CDH4: variants seen among roughly 807,000 people sequenced by gnomAD.
CDH4 encodes the protein cadherin 4, also known as cadherin-4.
CDH4 carries 33 observed loss-of-function variants against 86.0 expected under a neutral mutation model. The ratio of observed to expected loss-of-function variants is 0.38; its 90% CI spans 0.29 to 0.51. The LOEUF (loss-of-function observed/expected upper bound fraction) is 0.51, where lower values mean the gene tolerates loss of function less well. Ranked by LOEUF, CDH4 falls within the 20% of genes least tolerant of loss-of-function variation. CDH4 has a pLI of 0.86. For missense variants in CDH4, 1,114 were observed against 1,307.4 expected (o/e 0.85, Z 2.28); for synonymous variants, 555 against 549.4 (o/e 1.01, Z -0.14).
rs1276774347 is a variant in CDH4, at chr20:61,392,246, G to A, written c.169+137309G>A. 6.6e-6 allele frequency among the ~76,000 whole-genome samples: 1 copy of A among 151,676 alleles called. No individual in the cohort carries two copies. The highest frequency in any genetic ancestry group is 2.0e-4 in the East Asian group (1 of 5,090). On this transcript the variant is annotated intron_variant, in intron 2 of 15. Coordinates refer to ENST00000614565, the MANE Select transcript of CDH4 (RefSeq NM_001794.5). The surrounding 1 kb of genome is among the most constrained non-coding windows in gnomAD (Gnocchi z 5.7). ...CGGGACCCGGACATGCTGCCTCTGG[G>A]CTGGGGAGGGACAGGAACCCGAGGC...
chr20:61,602,797 C>T (rs957637445), intron 2 of CDH4, among the ~76,000 whole-genome samples: 7 of 150,874 alleles, frequency 4.6e-5, no homozygotes, highest in African/African-American at 1.7e-4. Flanking sequence ...CGGAATTGTG[C>T]CTGGCCTGGT....
At chr20:61,479,340 A>C (rs1412751676) in intron 2 of CDH4, among the ~76,000 whole-genome samples, 1 of 151,804 alleles carries the variant, frequency 6.6e-6, no homozygotes, top group African/African-American at 2.4e-5. Flanking sequence ...TCCTAATGCT[A>C]TCCCTCCCCC....
In CDH4 at chr20:61,676,340, G is replaced by A. The variant is rs1459739146; in HGVS notation, c.170-67223G>A. Among the ~76,000 whole-genome samples the A allele has an allele frequency of 6.6e-6, 1 of 152,200 alleles. No individual in the cohort carries two copies. Among genetic ancestry groups the A allele is most frequent in the Non-Finnish European group, 1.5e-5 (1 of 68,040 alleles). On this transcript the variant is annotated intron_variant, in intron 2 of 15. Coordinates refer to ENST00000614565, the MANE Select transcript of CDH4 (RefSeq NM_001794.5). This position sits in a 1 kb window ranked among gnomAD's most constrained non-coding sequence, Gnocchi z 4.5. ...CGATTGAATACTGCGGCCCCCAGAG[G>A]AGGTGGGATTGCATTAGCACCTTCT...
intron 12 of CDH4, among the ~76,000 whole-genome samples, chr20:61,928,753 A>G (rs2055073737): frequency 6.6e-6 from 1 of 152,234 alleles, no homozygotes; most frequent in Non-Finnish European, 1.5e-5. Flanking sequence ...TCCTTAGAAT[A>G]CTTCCCTGGA....
chr20:61,381,290 G>A (rs2084899577), intron 2 of CDH4, among the ~76,000 whole-genome samples: 1 of 152,150 alleles, frequency 6.6e-6, no homozygotes, highest in Non-Finnish European at 1.5e-5. Context: ...ATATCACCAG[G>A]GCCCAATCAG....
At chr20:61,448,458 G>A (rs1401476972) in intron 2 of CDH4, among the ~76,000 whole-genome samples, 1 of 152,140 alleles carries the variant, frequency 6.6e-6, no homozygotes, top group African/African-American at 2.4e-5. Flanking sequence ...CATACATCAC[G>A]GCACAGCCTC....
In CDH4 at chr20:61,393,396, C is replaced by T. The variant is rs1452554480; in HGVS notation, c.169+138459C>T. ...TAGCTTGTGTATGGATCAACAACCA[C>T]CAGCCCCTCTGATGTCGAGGACCCC... On this transcript the variant is annotated intron_variant, in intron 2 of 15. Transcript: ENST00000614565. The surrounding 1 kb of genome is among the most constrained non-coding windows in gnomAD (Gnocchi z 4.3). Among the ~76,000 whole-genome samples the T allele has an allele frequency of 1.3e-5, 2 of 152,110 alleles. No homozygotes were observed. The highest frequency in any genetic ancestry group is 1.3e-4 in the Admixed American group (2 of 15,276).
chr20:61,404,716 CTT>C (rs771836471), intron 2 of CDH4, among the ~76,000 whole-genome samples: 12 of 143,170 alleles, frequency 8.4e-5, no homozygotes, highest in Non-Finnish European at 1.4e-4. Flanking sequence ...AATATTTAGG[CTT>C]TTTTTTTTTT....
At chr20:61,899,889 G>T (rs1189540194) in intron 8 of CDH4, among the ~76,000 whole-genome samples, 1 of 152,212 alleles carries the variant, frequency 6.6e-6, no homozygotes, top group Non-Finnish European at 1.5e-5. Flanking sequence ...TTCTCTCAAA[G>T]GGGTTAAAAA....
chr20:61,287,818 A>G (rs1384437708), intron 2 of CDH4, among the ~76,000 whole-genome samples: 2 of 152,144 alleles, frequency 1.3e-5, no homozygotes, highest in Non-Finnish European at 2.9e-5. Flanking sequence ...TTGTGGGAAT[A>G]AGAGGCGTGC....
At chr20:61,305,455 T>C (rs567871312) in intron 2 of CDH4, among the ~76,000 whole-genome samples, 1 of 152,352 alleles carries the variant, frequency 6.6e-6, no homozygotes, top group African/African-American at 2.4e-5. Context: ...TTTTTCTCTA[T>C]GGATGCTGCT....
chr20:61,381,710 A>G (rs746629394), intron 2 of CDH4, among the ~76,000 whole-genome samples: 30 of 151,588 alleles, frequency 2.0e-4, no homozygotes, highest in Middle Eastern at 3.4e-3. Flanking sequence ...TCCCACCCCA[A>G]TTTGGCCTTT....
intron 8 of CDH4, among the ~76,000 whole-genome samples, chr20:61,904,169 C>T (rs1043417596): frequency 1.3e-5 from 2 of 152,172 alleles, no homozygotes; most frequent in East Asian, 1.9e-4. Context: ...GAGCCGTCAT[C>T]GGGGCCTCCA....
Position 61,318,412 on chromosome 20 carries a change from C to T in CDH4, c.169+63475C>T, listed in dbSNP as rs180715191. On this transcript the variant is annotated intron_variant, in intron 2 of 15. Transcript: ENST00000614565. ...GCTTTGAATGATTCAAAAACCTAAGCGTGTGACAATGATTTGAACTGACGT... is the reference window on the plus strand; with the variant it reads ...GCTTTGAATGATTCAAAAACCTAAGTGTGTGACAATGATTTGAACTGACGT... Among the ~76,000 whole-genome samples the T allele has an allele frequency of 5.9e-5, 9 of 152,278 alleles. No homozygotes were observed. The South Asian group carries it at 8.3e-4, about 14-fold the overall frequency.
At chr20:61,859,368 G>C (rs1385105418) in intron 6 of CDH4, among the ~76,000 whole-genome samples, 1 of 152,152 alleles carries the variant, frequency 6.6e-6, no homozygotes, top group Non-Finnish European at 1.5e-5. Context: ...CCTCCCCCCA[G>C]GGTCTTTGCG....
chr20:61,729,348 G>A (rs745754849), intron 2 of CDH4, among the ~76,000 whole-genome samples: 14 of 152,182 alleles, frequency 9.2e-5, no homozygotes, highest in Admixed American at 2.6e-4. Flanking sequence ...TACGGCCACT[G>A]TGGAAAAGAA....
chr20:61,479,451 G>A (rs1276132850), intron 2 of CDH4, among the ~76,000 whole-genome samples: 1 of 151,710 alleles, frequency 6.6e-6, no homozygotes, highest in African/African-American at 2.4e-5. Flanking sequence ...AACATGCGGT[G>A]TTTGGTTTTT....
chr20:61,779,519 A>G (rs1978424996), intron 4 of CDH4, among the ~76,000 whole-genome samples: 1 of 152,258 alleles, frequency 6.6e-6, no homozygotes, highest in Non-Finnish European at 1.5e-5. Context: ...AGGATGGCTC[A>G]AGTCAGCCCC....
At chr20:61,473,784 C>T (rs937031046) in intron 2 of CDH4, among the ~76,000 whole-genome samples, 2 of 152,040 alleles carry the variant, frequency 1.3e-5, no homozygotes, top group South Asian at 2.1e-4. Context: ...GACACACACA[C>T]ACTCAGACAC....
Sources: gnomAD v4.1 joint callset for allele counts (sites outside exome capture counted in the v4.1 genomes callset) on GRCh38, gnomAD v4.1.1 for gene constraint, Gnocchi (gnomAD v3.1) non-coding constraint, MANE v1.5 for transcripts, NCBI Gene and HGNC (gene_info 2026-07-23, HGNC 2026-07-21) for gene names.